Variants in INSL6 observed in about 807,000 individuals in gnomAD.
INSL6 encodes insulin like 6.
In INSL6, 16 loss-of-function variants were observed where a neutral mutation model predicts 9.4. The observed-to-expected ratio is 1.70, with a 90% CI of 1.15 to 2.59. The LOEUF is 2.59. Among genes scored for constraint, INSL6 ranks in the 30% most tolerant of loss-of-function variants. The pLI, the probability that INSL6 is intolerant of heterozygous loss-of-function variation, is 0.00. For synonymous variants in INSL6, 154 were observed against 96.9 expected, an observed-to-expected ratio of 1.59 and a Z score of -3.46; for missense variants, 391 against 257.3, an observed-to-expected ratio of 1.52 and a Z score of -3.56.
chr9:5,022,381 T>A, the INSL6 span, among the ~76,000 whole-genome samples: 1 of 152,144 alleles, frequency 6.6e-6, no homozygotes, highest in Non-Finnish European at 1.5e-5. Context: ...GGAGTACAAT[T>A]TATGGTGAAT....
At chr9:5,065,005 T>G in the INSL6 span, 1 of 1,606,060 alleles carries the variant, frequency 6.2e-7, no homozygotes, top group East Asian at 2.2e-5. Flanking sequence ...CAGCCGTGCT[T>G]GAAAATATAC....
At chr9:5,007,406 G>A in the INSL6 span, among the ~76,000 whole-genome samples, 1 of 151,964 alleles carries the variant, frequency 6.6e-6, no homozygotes, top group African/African-American at 2.4e-5. Context: ...ATATGCTGTG[G>A]TACTTTTGTC....
At chr9:5,070,140 TA>T in the INSL6 span, 1 of 858,732 alleles carries the variant, frequency 1.2e-6, no homozygotes, top group Non-Finnish European at 1.7e-6. Flanking sequence ...ACATTGGAAT[TA>T]TTTTGTTATA....
the INSL6 span, among the ~76,000 whole-genome samples, chr9:5,076,945 T>TA: frequency 0.25 from 38,510 of 151,840 alleles, 5,026 homozygotes; most frequent in South Asian, 0.3. Context: ...TATATTTTTT[T>TA]AAAAAAGTTT....
chr9:5,086,715 G>T, the INSL6 span, among the ~76,000 whole-genome samples: 2 of 152,052 alleles, frequency 1.3e-5, no homozygotes, highest in African/African-American at 4.8e-5. Flanking sequence ...AAATCTCCCT[G>T]TCTGACTATA....
chr9:5,138,885 G>C (rs1824435906), intron 2 of INSL6, among the ~76,000 whole-genome samples: 1 of 150,044 alleles, frequency 6.7e-6, no homozygotes, highest in African/African-American at 2.5e-5. Flanking sequence ...CTTCTGTCGG[G>C]TTGTTTTTAT....
chr9:5,075,654 C>T, the INSL6 span, among the ~76,000 whole-genome samples: 1 of 152,176 alleles, frequency 6.6e-6, no homozygotes, highest in Admixed American at 6.5e-5. Flanking sequence ...ATTGACAATG[C>T]ACCTGGTCAC....
At chr9:5,095,522 C>A in the INSL6 span, among the ~76,000 whole-genome samples, 1 of 152,030 alleles carries the variant, frequency 6.6e-6, no homozygotes, top group Non-Finnish European at 1.5e-5. Flanking sequence ...TTAATAATAA[C>A]AGCCCTAGTA....
the INSL6 span, among the ~76,000 whole-genome samples, chr9:5,004,870 G>C: frequency 1.3e-5 from 2 of 150,776 alleles, no homozygotes; most frequent in African/African-American, 4.9e-5. Context: ...TTTGCATTTA[G>C]TGATGTTGAA....
chr9:5,079,395 A>G, the INSL6 span, among the ~76,000 whole-genome samples: 9 of 152,188 alleles, frequency 5.9e-5, no homozygotes, highest in Admixed American at 5.9e-4. Context: ...TACTTGAGAA[A>G]TTCCGTGATT....
chr9:5,081,693 A>G, the INSL6 span: 1 of 1,507,802 alleles, frequency 6.6e-7, no homozygotes, highest in Non-Finnish European at 9.2e-7. Context: ...TTATTTGCTA[A>G]TTTAAGGTGA....
chr9:5,085,990 T>C, the INSL6 span: 1 of 942,066 alleles, frequency 1.1e-6, no homozygotes, highest in Non-Finnish European at 1.7e-6. Flanking sequence ...CTGTACGGGG[T>C]TGTGTGATGA....
At chr9:5,047,917 T>C in the INSL6 span, among the ~76,000 whole-genome samples, 1 of 152,142 alleles carries the variant, frequency 6.6e-6, no homozygotes, top group African/African-American at 2.4e-5. Context: ...TTTTCAGTAG[T>C]TCTAATTAAA....
At chr9:4,999,395 C>T in the INSL6 span, among the ~76,000 whole-genome samples, 1 of 152,082 alleles carries the variant, frequency 6.6e-6, no homozygotes, top group Non-Finnish European at 1.5e-5. Context: ...AATGTCTCTT[C>T]ATATAAAAAA....
the INSL6 span, among the ~76,000 whole-genome samples, chr9:5,048,527 T>C: frequency 4.6e-5 from 7 of 152,170 alleles, no homozygotes. Context: ...ACAGTATAAC[T>C]TACTTGCCTG....
Position 5,134,821 on chromosome 9 carries a change from A to G in INSL6, c.377-1229T>C, listed in dbSNP as rs573733458. Among the ~76,000 whole-genome samples the G allele has an allele frequency of 5.3e-5, 8 of 152,340 alleles. No homozygotes were observed. The East Asian group carries it at 1.3e-3, about 26-fold the overall frequency. On this transcript the variant is annotated intron_variant, in intron 2 of 3. Coordinates refer to the INSL6 transcript ENST00000649639. The stretch of plus-strand genomic sequence containing the variant: ...CAGCTAGCATCATAATGACAGGATC[A>G]AAGTCACACATAACAATATTAACCT...
rs537204831 is a variant in INSL6, at chr9:5,126,043, G to GT, written c.*11-1533dup. On this transcript the variant is annotated intron_variant, in intron 3 of 3. Coordinates refer to the INSL6 transcript ENST00000649639. ...GAAATGTAATATGATAAAAATATGA[G>GT]TTTTTTAACAACAAAAAACTCAAAG... 44 of 222,138 alleles carry GT rather than the reference G, an allele frequency of 2.0e-4. No homozygotes were observed. The South Asian group carries it at 7.4e-3, about 37-fold the overall frequency. 13.8% of individuals were successfully genotyped at this position (222,138 alleles called of 1,614,324 possible). A position where few individuals can be genotyped will look rare whatever the true frequency, so the allele number is the denominator to read the frequency against.
At chr9:5,099,025 C>G in the INSL6 span, 2 of 152,072 alleles carry the variant, frequency 1.3e-5, no homozygotes, top group African/African-American at 4.8e-5. Context: ...AACCCCAACA[C>G]CAGACTTAAA....
chr9:5,001,625 A>AT, the INSL6 span, among the ~76,000 whole-genome samples: 2,912 of 143,294 alleles, frequency 0.02, 83 homozygotes, highest in African/African-American at 0.067. Flanking sequence ...TTTGCCTGTA[A>AT]TTTTTTTTTT....
Sources: allele counts gnomAD v4.1 joint callset (sites outside exome capture counted in the v4.1 genomes callset), GRCh38; gene constraint gnomAD v4.1.1; transcripts MANE v1.5; gene names NCBI Gene and HGNC (gene_info 2026-07-23, HGNC 2026-07-21).